The following TRIM55 variants were observed in gnomAD, a reference collection of about 807,000 sequenced individuals.
TRIM55 encodes tripartite motif-containing protein 55.
In TRIM55, 50 loss-of-function variants were observed where a neutral mutation model predicts 60.9. The ratio of observed to expected loss-of-function variants is 0.82; its 90% CI spans 0.65 to 1.04. The LOEUF is 1.04. TRIM55 is among the 50% of genes least tolerant of loss of function. The probability of loss-of-function intolerance (pLI) is 0.00; values close to 1 mark genes in which losing one functional copy is unlikely to be tolerated. For missense variants in TRIM55, 681 were observed against 666.9 expected, an observed-to-expected ratio of 1.02 and a Z score of -0.23; for synonymous variants, 237 against 238.1, an observed-to-expected ratio of 1.00 and a Z score of 0.04.
chr8:66,151,801 A>G (rs1260164832), intron 7 of TRIM55, among the ~76,000 whole-genome samples: 1 of 151,854 alleles, frequency 6.6e-6, no homozygotes, highest in Non-Finnish European at 1.5e-5. Flanking sequence ...CTGAGATTGC[A>G]CCACTGCACT....
chr8:66,152,903 TTGTGTGTGTGTGTGTGTGTG>T (rs59283692), intron 8 of TRIM55, among the ~76,000 whole-genome samples: 4,036 of 140,390 alleles, frequency 0.029, 165 homozygotes, highest in African/African-American at 0.099. Context: ...TGTCTGGAAA[TTGTGTGTGTGTGTGTGTGTG>T]TGTGTGTGTG....
chr8:66,127,468 G>A lies in TRIM55; in HGVS notation c.168+32G>A, dbSNP rs759258723. On this transcript the variant is annotated intron_variant, in intron 1 of 9. Coordinates refer to ENST00000315962, the MANE Select transcript of TRIM55 (RefSeq NM_184085.2). ...TTGTTTGGAATTTGGTTGAGGGGAG[G>A]GGGTGGAAAAGATTCCCTCCTCTTG... 6.2e-6 allele frequency: 10 copies of A among 1,608,588 alleles called. No homozygotes were observed. In the Admixed American group the frequency reaches 1.7e-4, roughly 27 times the overall value.
At chr8:66,144,208 A>G (rs1225682821) in intron 4 of TRIM55, among the ~76,000 whole-genome samples, 1 of 151,982 alleles carries the variant, frequency 6.6e-6, no homozygotes, top group African/African-American at 2.4e-5. Flanking sequence ...TGACCATTTG[A>G]TTTTTTTTCT....
At position 66,150,374 on chromosome 8, in the gene TRIM55, A is replaced by T; in HGVS notation, c.893A>T (p.Glu298Val). The change falls in exon 7 of 10, where the codon GAG (glutamate) becomes GTG (valine). Residue 298 changes from glutamate to valine, a missense_variant. Coordinates refer to ENST00000315962, the MANE Select transcript of TRIM55 (RefSeq NM_184085.2). ...GAAGCATCAAAGGCATTTCAGATGG[A>T]GAAAATAGAACATGGCTATGAGAAC... is the stretch of plus-strand genomic sequence containing the variant. ...ISEASKAFQM[E>V]KIEHGYENMN... 1 of 1,614,236 alleles carries T rather than the reference A, an allele frequency of 6.2e-7. No homozygotes were observed.
At chr8:66,156,919 C>T (rs1405873158) in intron 9 of TRIM55, among the ~76,000 whole-genome samples, 2 of 152,192 alleles carry the variant, frequency 1.3e-5, no homozygotes, top group Admixed American at 1.3e-4. Flanking sequence ...CTCCTTCAGA[C>T]ATTATCTGTG....
At chr8:66,152,335 A>G (rs1024295495) in intron 7 of TRIM55, 42 bp from the exon 8 acceptor site, 3 of 1,537,500 alleles carry the variant, frequency 2.0e-6, no homozygotes, top group Non-Finnish European at 1.7e-6. Context: ...CCATGGCTGC[A>G]GAGATAGTTA....
intron 2 of TRIM55, among the ~76,000 whole-genome samples, chr8:66,133,930 CACAA>C (rs774814136): frequency 2.0e-5 from 3 of 152,104 alleles, no homozygotes; most frequent in Non-Finnish European, 4.4e-5. Flanking sequence ...TACACACATA[CACAA>C]ACACACACAC....
At chr8:66,132,881 T>A (rs1477671635) in intron 2 of TRIM55, among the ~76,000 whole-genome samples, 1 of 152,166 alleles carries the variant, frequency 6.6e-6, no homozygotes, top group Non-Finnish European at 1.5e-5. Flanking sequence ...AATAAATAAA[T>A]TGAATCACAA....
At chr8:66,138,844 C>A (rs1030832389) in intron 4 of TRIM55, among the ~76,000 whole-genome samples, 6 of 152,194 alleles carry the variant, frequency 3.9e-5, no homozygotes, top group Non-Finnish European at 8.8e-5. Context: ...CAGTGCCTGG[C>A]ATGTGGTGAG....
intron 4 of TRIM55, among the ~76,000 whole-genome samples, chr8:66,147,579 G>C (rs1454719978): frequency 6.6e-6 from 1 of 151,934 alleles, no homozygotes; most frequent in Non-Finnish European, 1.5e-5. Context: ...GGTGGATCAT[G>C]AGGTCAGGAG....
intron 2 of TRIM55, among the ~76,000 whole-genome samples, chr8:66,134,184 A>G (rs1809342155): frequency 6.6e-6 from 1 of 152,234 alleles, no homozygotes; most frequent in Non-Finnish European, 1.5e-5. Context: ...GTAGTCCCAA[A>G]TCTAAGATGT....
At chr8:66,160,385 G>T (rs568064413) in intron 9 of TRIM55, among the ~76,000 whole-genome samples, 43 of 151,758 alleles carry the variant, frequency 2.8e-4, no homozygotes, top group Non-Finnish European at 4.9e-4. Context: ...GTGTGTGTGT[G>T]TATCACATTT....
chr8:66,114,091 C>CCT, the TRIM55 span, among the ~76,000 whole-genome samples: 1 of 137,864 alleles, frequency 7.3e-6, no homozygotes, highest in East Asian at 2.6e-4. Context: ...CACCCCCCCC[C>CCT]CCATTATTTT....
intron 4 of TRIM55, among the ~76,000 whole-genome samples, chr8:66,139,603 T>A (rs1809688029): frequency 6.6e-6 from 1 of 152,124 alleles, no homozygotes; most frequent in South Asian, 2.1e-4. Flanking sequence ...AAGGGCAGGA[T>A]CATTACCCCC....
chr8:66,143,091 A>G (rs1389772244), intron 4 of TRIM55, among the ~76,000 whole-genome samples: 1 of 152,198 alleles, frequency 6.6e-6, no homozygotes, highest in South Asian at 2.1e-4. Flanking sequence ...TCTAACAAGT[A>G]TGTCTCGATG....
At chr8:66,154,025 G>C in intron 8 of TRIM55, 22 bp from the exon 9 acceptor site, 1 of 1,522,686 alleles carries the variant, frequency 6.6e-7, no homozygotes, top group South Asian at 1.3e-5. Context: ...CTTTACTTTT[G>C]AATTTATCTG....
At chr8:66,124,113 T>C (rs779921026), upstream of TRIM55, among the ~76,000 whole-genome samples, 5 of 152,146 alleles carry the variant, frequency 3.3e-5, no homozygotes, top group African/African-American at 4.8e-5. Context: ...TCTACTTTCA[T>C]AGCAGCCCCA....
intron 2 of TRIM55, 152 bp downstream of exon 2, chr8:66,128,628 C>G (rs1808967557): frequency 1.3e-6 from 1 of 773,806 alleles, no homozygotes; most frequent in Non-Finnish European, 2.0e-6. Flanking sequence ...CCCAGTGAGA[C>G]TGAGAGTTGC....
the TRIM55 span, among the ~76,000 whole-genome samples, chr8:66,117,863 T>C: frequency 6.6e-6 from 1 of 152,080 alleles, no homozygotes; most frequent in Non-Finnish European, 1.5e-5. Flanking sequence ...GTGTTTCTTA[T>C]TGCCAAGAAG....
Sources: gnomAD v4.1 joint callset for allele counts (sites outside exome capture counted in the v4.1 genomes callset) on GRCh38, gnomAD v4.1.1 for gene constraint, MANE v1.5 for transcripts, NCBI Gene and HGNC (gene_info 2026-07-23, HGNC 2026-07-21) for gene names.